RBBP8: variants seen among roughly 807,000 people sequenced by gnomAD.
RBBP8 encodes the protein RB binding protein 8, endonuclease, also known as DNA endonuclease RBBP8.
In RBBP8, 88 loss-of-function variants were observed where a neutral mutation model predicts 108.3. The ratio of observed to expected loss-of-function variants is 0.81; its 90% CI spans 0.68 to 0.97. The LOEUF (loss-of-function observed/expected upper bound fraction) is 0.97, where lower values mean the gene tolerates loss of function less well. Ranked by LOEUF, RBBP8 falls within the 50% of genes least tolerant of loss-of-function variation. The pLI is 0.00. For missense variants in RBBP8, 1,023 were observed against 1,049.0 expected (o/e 0.98, Z 0.34); for synonymous variants, 332 against 348.2 (o/e 0.95, Z 0.52).
chr18:22,930,359 AAT>A (rs1302713626), upstream of RBBP8, among the ~76,000 whole-genome samples: 1 of 152,204 alleles, frequency 6.6e-6, no homozygotes, highest in Non-Finnish European at 1.5e-5. Context: ...TTTTCATTAC[AAT>A]ATATAACACA....
chr18:22,929,467 T>G (rs1006491567), upstream of RBBP8: 77 of 3,838 alleles, frequency 0.02, no homozygotes, highest in Admixed American at 0.093. Flanking sequence ...TTTGGGCAGG[T>G]GTGTGTGTGT....
rs948126392 is a variant in RBBP8, at chr18:23,013,525, G to T, written c.2358-3303G>T. The stretch of plus-strand genomic sequence containing the variant: ...TAATAGTAATATCATTTGTATGTAG[G>T]AGCAATTGAGGTTAGAAATCCCATG... On this transcript the variant is annotated intron_variant, in intron 16 of 18. Transcript: ENST00000327155. 3.3e-5 allele frequency among the ~76,000 whole-genome samples: 5 copies of T among 152,260 alleles called. No homozygotes were observed. In the South Asian group the frequency reaches 1.0e-3, roughly 32 times the overall value.
chr18:22,924,191 C>A (rs1909707735), intron 3 of RBBP8, among the ~76,000 whole-genome samples: 1 of 124,412 alleles, frequency 8.0e-6, no homozygotes, highest in Non-Finnish European at 1.6e-5. Flanking sequence ...TGCAGTGGTG[C>A]AATCTCAGGT....
intron 8 of RBBP8, among the ~76,000 whole-genome samples, chr18:22,987,693 C>T (rs1375796883): frequency 1.3e-5 from 2 of 152,184 alleles, no homozygotes; most frequent in African/African-American, 4.8e-5. Flanking sequence ...CTCAAGCAGG[C>T]TCCACCTGCT....
At chr18:22,919,622 G>C (rs1216685153) in intron 3 of RBBP8, among the ~76,000 whole-genome samples, 5 of 152,072 alleles carry the variant, frequency 3.3e-5, no homozygotes, top group Non-Finnish European at 5.9e-5. Flanking sequence ...CATGATCTTG[G>C]CTTACTGCAA....
chr18:22,997,722 GA>G lies in RBBP8; in HGVS notation c.2137del (p.Ser713ValfsTer8). 1 of 1,591,448 alleles carries G rather than the reference GA, an allele frequency of 6.3e-7. No individual in the cohort carries two copies. The highest frequency in any genetic ancestry group is 2.3e-5 in the East Asian group (1 of 44,326). On this transcript the variant is annotated frameshift_variant, in exon 14 of 19. Transcript: ENST00000327155. LOFTEE classifies it high-confidence loss of function. ...AATGAAGAAGCAAGAGCAGAAGGGAGAAAAAAGTTCAAGTAAGATCTGTTTT... is the reference window on the plus strand; with the variant it reads ...AATGAAGAAGCAAGAGCAGAAGGGAGAAAAAGTTCAAGTAAGATCTGTTTT... ...LKMKKQEQKG[E>X]KSSNEERKMN...
intron 18 of RBBP8, among the ~76,000 whole-genome samples, chr18:23,025,321 A>G (rs2046435382): frequency 6.6e-6 from 1 of 152,248 alleles, no homozygotes; most frequent in African/African-American, 2.4e-5. Context: ...CTGATGATTT[A>G]GCTGCACAAC....
intron 17 of RBBP8, among the ~76,000 whole-genome samples, chr18:23,019,061 CTA>C (rs1241723113): frequency 6.6e-6 from 1 of 152,116 alleles, no homozygotes; most frequent in African/African-American, 2.4e-5. Context: ...ATTGGGATCA[CTA>C]TTTTGAAAAG....
At chr18:23,025,156 G>A (rs887100475) in intron 18 of RBBP8, among the ~76,000 whole-genome samples, 1 of 152,120 alleles carries the variant, frequency 6.6e-6, no homozygotes, top group Admixed American at 6.5e-5. Context: ...TCAGGAGGCT[G>A]AGATGGGAGG....
intron 5 of RBBP8, 101 bp downstream of exon 5, chr18:22,969,019 T>A: frequency 1.1e-6 from 1 of 872,434 alleles, no homozygotes; most frequent in South Asian, 1.6e-5. Context: ...TTACATATAT[T>A]TTTCCTTATT....
At chr18:22,929,465 G>GGTGTGT (rs1165994615), upstream of RBBP8, 5 of 110,790 alleles carry the variant, frequency 4.5e-5, no homozygotes, top group African/African-American at 1.7e-4. Flanking sequence ...TGTTTGGGCA[G>GGTGTGT]GTGTGTGTGT....
At chr18:23,024,038 C>G (rs1020892648) in intron 18 of RBBP8, among the ~76,000 whole-genome samples, 1 of 101,202 alleles carries the variant, frequency 9.9e-6, no homozygotes, top group Non-Finnish European at 2.2e-5. Flanking sequence ...CATACCCAGC[C>G]TATTTTTTTT....
intron 2 of RBBP8, among the ~76,000 whole-genome samples, chr18:22,943,861 T>C (rs889024002): frequency 1.3e-5 from 2 of 152,240 alleles, no homozygotes; most frequent in Admixed American, 1.3e-4. Flanking sequence ...CTTGCCTCAT[T>C]TCTGAACTCT....
At chr18:22,972,664 A>G (rs1914201811) in intron 5 of RBBP8, among the ~76,000 whole-genome samples, 2 of 152,196 alleles carry the variant, frequency 1.3e-5, no homozygotes, top group Non-Finnish European at 2.9e-5. Flanking sequence ...TCCGCTTTGC[A>G]TTTTTAAAGT....
intron 16 of RBBP8, among the ~76,000 whole-genome samples, chr18:23,008,317 GA>G (rs1239274542): frequency 6.6e-6 from 1 of 152,048 alleles, no homozygotes; most frequent in African/African-American, 2.4e-5. Flanking sequence ...TTTCTGTTGA[GA>G]ATTTTAGAAA....
At chr18:22,981,152 A>G (rs1321525074) in intron 6 of RBBP8, among the ~76,000 whole-genome samples, 1 of 151,018 alleles carries the variant, frequency 6.6e-6, no homozygotes, top group African/African-American at 2.4e-5. Context: ...TTGTATTTTT[A>G]GTAGAGACAG....
intron 6 of RBBP8, among the ~76,000 whole-genome samples, chr18:22,981,456 A>G (rs1914925630): frequency 6.6e-6 from 1 of 152,192 alleles, no homozygotes; most frequent in African/African-American, 2.4e-5. Context: ...CTCTGTTACT[A>G]TTTTAGTAAA....
At chr18:22,965,487 AG>A (rs1913505093) in intron 4 of RBBP8, among the ~76,000 whole-genome samples, 1 of 152,076 alleles carries the variant, frequency 6.6e-6, no homozygotes, top group African/African-American at 2.4e-5. Flanking sequence ...AATGTGTAAT[AG>A]GGCTGACTCC....
chr18:22,971,338 G>A (rs898558366), intron 5 of RBBP8, among the ~76,000 whole-genome samples: 20 of 151,872 alleles, frequency 1.3e-4, no homozygotes, highest in African/African-American at 4.4e-4. Context: ...TGACAATTTC[G>A]TCTTTTCTTT....
Sources: gnomAD v4.1 joint callset for allele counts (sites outside exome capture counted in the v4.1 genomes callset) on GRCh38, gnomAD v4.1.1 for gene constraint, MANE v1.5 for transcripts, NCBI Gene and HGNC (gene_info 2026-07-23, HGNC 2026-07-21) for gene names.